The following ADRA1B variants were observed in gnomAD, a reference collection of about 807,000 sequenced individuals.
The protein encoded by ADRA1B is adrenoceptor alpha 1B, also known as alpha-1B adrenergic receptor.
ADRA1B carries 17 observed loss-of-function variants against 17.9 expected under a neutral mutation model. That is an observed-to-expected ratio of 0.95 (90% CI 0.65 to 1.42). The LOEUF (loss-of-function observed/expected upper bound fraction) is 1.42. Ranked by LOEUF, ADRA1B falls within the 40% of genes most tolerant of loss-of-function variation. ADRA1B has a pLI of 0.00. For synonymous variants in ADRA1B, 366 were observed against 327.6 expected (o/e 1.12, Z -1.27); for missense variants, 681 against 722.1 (o/e 0.94, Z 0.65).
intron 1 of ADRA1B, among the ~76,000 whole-genome samples, chr5:159,945,103 G>T (rs1755233478): frequency 6.6e-6 from 1 of 152,182 alleles, no homozygotes. Flanking sequence ...AAGAGGGCCG[G>T]GTGCGGTGGC....
At chr5:159,948,977 G>A (rs755927820) in intron 1 of ADRA1B, among the ~76,000 whole-genome samples, 3 of 152,130 alleles carry the variant, frequency 2.0e-5, no homozygotes, top group African/African-American at 7.2e-5. Context: ...GTCCTAGAGA[G>A]AGGTTAAGTA....
the ADRA1B span, among the ~76,000 whole-genome samples, chr5:159,985,522 C>T: frequency 2.6e-5 from 4 of 152,176 alleles, no homozygotes; most frequent in African/African-American, 7.2e-5. Flanking sequence ...TGACTTGTAC[C>T]GGCTCAGAGC....
intron 1 of ADRA1B, among the ~76,000 whole-genome samples, chr5:159,904,434 A>G (rs569753843): frequency 1.3e-5 from 2 of 152,250 alleles, no homozygotes; most frequent in African/African-American, 4.8e-5. Flanking sequence ...AGTTGTTCCC[A>G]AAAAGAAATT....
Position 159,903,497 on chromosome 5 carries a change from G to T in ADRA1B, c.-255-12622G>T, listed in dbSNP as rs189482305. On this transcript the variant is annotated intron_variant, in intron 1 of 2. Coordinates refer to the ADRA1B transcript ENST00000641205. Reference sequence around the variant, plus strand: ...TATTATCCTCACTATGATCCTCCAAGTGTTATCCCATTTTACAGATGAGGA... The same window carrying T: ...TATTATCCTCACTATGATCCTCCAATTGTTATCCCATTTTACAGATGAGGA... 9.2e-5 allele frequency among the ~76,000 whole-genome samples: 14 copies of T among 152,304 alleles called. No homozygotes were observed. In the East Asian group the frequency reaches 2.7e-3, roughly 29 times the overall value.
At chr5:159,879,368 G>C (rs879504035) in intron 1 of ADRA1B, among the ~76,000 whole-genome samples, 1 of 152,150 alleles carries the variant, frequency 6.6e-6, no homozygotes, top group Non-Finnish European at 1.5e-5. Flanking sequence ...ACAGGCGCCT[G>C]CCTGTAAGCA....
At chr5:159,963,067 T>C (rs1755707673) in intron 1 of ADRA1B, among the ~76,000 whole-genome samples, 1 of 150,418 alleles carries the variant, frequency 6.6e-6, no homozygotes, top group African/African-American at 2.4e-5. Flanking sequence ...ACCTGGCCTT[T>C]TAGCTTTTAG....
At chr5:159,946,568 A>G (rs1422770822) in intron 1 of ADRA1B, among the ~76,000 whole-genome samples, 2 of 152,218 alleles carry the variant, frequency 1.3e-5, no homozygotes, top group Non-Finnish European at 2.9e-5. Context: ...CCATATTCTC[A>G]GTCTTGCTTA....
At chr5:159,964,699 A>G (rs1561610580) in intron 1 of ADRA1B, among the ~76,000 whole-genome samples, 1 of 152,208 alleles carries the variant, frequency 6.6e-6, no homozygotes, top group Non-Finnish European at 1.5e-5. Context: ...TAGCAGGTTC[A>G]GGAACCACGT....
At chr5:159,979,202 GA>G in the ADRA1B span, among the ~76,000 whole-genome samples, 2 of 152,200 alleles carry the variant, frequency 1.3e-5, no homozygotes, top group Non-Finnish European at 2.9e-5. Context: ...ATACAAGGTA[GA>G]AAGACGTTTG....
chr5:159,875,128 G>C (rs1457996997), intron 1 of ADRA1B, among the ~76,000 whole-genome samples: 1 of 152,108 alleles, frequency 6.6e-6, no homozygotes, highest in Non-Finnish European at 1.5e-5. Context: ...CTGGCATTTA[G>C]ATAAGAGAAG....
intron 1 of ADRA1B, chr5:159,868,062 T>C (rs2113063180): frequency 6.6e-6 from 1 of 152,342 alleles, no homozygotes; most frequent in East Asian, 1.9e-4. Flanking sequence ...ACTTACCATG[T>C]AATTTTAGGA....
intron 1 of ADRA1B, among the ~76,000 whole-genome samples, chr5:159,944,020 C>T (rs1755206660): frequency 6.6e-6 from 1 of 152,050 alleles, no homozygotes; most frequent in East Asian, 1.9e-4. Flanking sequence ...TACCTCTTTA[C>T]CATTCAATGA....
chr5:159,884,152 G>A (rs1753897515), intron 1 of ADRA1B, among the ~76,000 whole-genome samples: 1 of 152,216 alleles, frequency 6.6e-6, no homozygotes. Context: ...CTTAAGCTAT[G>A]CTTCAGGATT....
intron 1 of ADRA1B, among the ~76,000 whole-genome samples, chr5:159,885,624 C>T (rs1753915522): frequency 6.6e-6 from 1 of 152,212 alleles, no homozygotes; most frequent in Admixed American, 6.5e-5. Context: ...CACAGGATCA[C>T]AAAACAGAAA....
chr5:159,883,646 G>A (rs564450278), intron 1 of ADRA1B, among the ~76,000 whole-genome samples: 11 of 152,304 alleles, frequency 7.2e-5, no homozygotes, highest in African/African-American at 2.6e-4. Context: ...CCATGGACTT[G>A]GCTGCAAAAA....
rs1253682011 is a variant in ADRA1B at position 159,972,323 on chromosome 5, G to T, written c.1394G>T (p.Arg465Leu). 7.0e-7 allele frequency: 1 copy of T among 1,435,912 alleles called. No homozygotes were observed. The highest frequency in any genetic ancestry group is 3.0e-5 in the East Asian group (1 of 32,914). 88.9% of individuals were successfully genotyped at this position (1,435,912 alleles called of 1,614,324 possible). A position where few individuals can be genotyped will look rare whatever the true frequency, so the allele number is the denominator to read the frequency against. Residue 465 changes from arginine (R) to leucine (L), a missense_variant, in exon 2 of 2, where the codon CGC becomes CTC. Arg to Leu is a moderately radical substitution (Grantham distance 102). Transcript: ENST00000306675. Reference sequence around the variant, plus strand: ...CCCGCGCCTGAGCCCCCCGGCCGCCGCGGCCGCCACGACTCGGGCCCGCTC... The same window carrying T: ...CCCGCGCCTGAGCCCCCCGGCCGCCTCGGCCGCCACGACTCGGGCCCGCTC... ...SLPAPEPPGR[R>L]GRHDSGPLFT...
chr5:159,877,964 G>C (rs1313998778), intron 1 of ADRA1B, among the ~76,000 whole-genome samples: 1 of 152,162 alleles, frequency 6.6e-6, no homozygotes, highest in African/African-American at 2.4e-5. Flanking sequence ...CTTACTTCCT[G>C]TTTTCTGACC....
rs566297772 is a variant in ADRA1B at position 159,927,779 on chromosome 5, A to G, written c.949+9925A>G. 2.4e-4 allele frequency among the ~76,000 whole-genome samples: 37 copies of G among 152,344 alleles called. No individual in the cohort carries two copies. In the East Asian group the frequency reaches 6.7e-3, roughly 28 times the overall value. On this transcript the variant is annotated intron_variant, in intron 1 of 1. Transcript: ENST00000306675. ...GTTTATAGTGCAGACGTCCAATAGT[A>G]CACCAGTTTCACACCAGAGCCTCAG...
chr5:159,914,407 C>A (rs1380696836), upstream of ADRA1B, among the ~76,000 whole-genome samples: 1 of 152,180 alleles, frequency 6.6e-6, no homozygotes, highest in Non-Finnish European at 1.5e-5. Flanking sequence ...CCCTAGTGCA[C>A]CACCTCCAAC....
Sources: gnomAD v4.1 joint callset for allele counts (sites outside exome capture counted in the v4.1 genomes callset) on GRCh38, gnomAD v4.1.1 for gene constraint, MANE v1.5 for transcripts, NCBI Gene and HGNC (gene_info 2026-07-23, HGNC 2026-07-21) for gene names.